ZFAND3: variants seen among roughly 807,000 people sequenced by gnomAD.
The protein encoded by ZFAND3 is AN1-type zinc finger protein 3.
Under a neutral mutation model 29.6 loss-of-function variants are expected in ZFAND3, and 10 were observed. That is an observed-to-expected ratio of 0.34 (90% CI 0.21 to 0.57). The LOEUF (loss-of-function observed/expected upper bound fraction) is 0.57, where lower values mean the gene tolerates loss of function less well. Ranked by LOEUF, ZFAND3 falls within the 20% of genes least tolerant of loss-of-function variation. The pLI is 0.86. For missense variants in ZFAND3, 230 were observed against 304.5 expected, an observed-to-expected ratio of 0.76 and a Z score of 1.82; for synonymous variants, 128 against 112.6, an observed-to-expected ratio of 1.14 and a Z score of -0.87.
At chr6:38,065,133 C>T (rs1409314931) in intron 3 of ZFAND3, among the ~76,000 whole-genome samples, 1 of 151,974 alleles carries the variant, frequency 6.6e-6, no homozygotes, top group African/African-American at 2.4e-5. Flanking sequence ...CCTGGCCAAC[C>T]TGGTGAAACC....
At chr6:37,895,639 T>G (rs534583710) in intron 1 of ZFAND3, among the ~76,000 whole-genome samples, 1 of 152,072 alleles carries the variant, frequency 6.6e-6, no homozygotes, top group Non-Finnish European at 1.5e-5. Context: ...TTTGATTGAG[T>G]TGATTTTTCT....
intron 2 of ZFAND3, 133 bp from the exon 3 acceptor site, chr6:38,061,460 T>C (rs1003869585): frequency 1.7e-5 from 19 of 1,109,248 alleles, no homozygotes; most frequent in Admixed American, 1.1e-4. Context: ...TTTACTCCCA[T>C]GGTTTTTTAG....
intron 5 of ZFAND3, among the ~76,000 whole-genome samples, chr6:38,146,079 G>A (rs768527686): frequency 2.6e-5 from 4 of 152,228 alleles, no homozygotes; most frequent in Admixed American, 2.6e-4. Context: ...AGGCTTGGGC[G>A]GGGCCCCGGG....
At chr6:38,094,833 G>A (rs1561996876) in intron 4 of ZFAND3, among the ~76,000 whole-genome samples, 1 of 152,162 alleles carries the variant, frequency 6.6e-6, no homozygotes, top group Non-Finnish European at 1.5e-5. Context: ...GGGTCCAGAA[G>A]CGTTTCAGGT....
At chr6:37,967,772 A>G (rs922814645) in intron 2 of ZFAND3, among the ~76,000 whole-genome samples, 10 of 151,486 alleles carry the variant, frequency 6.6e-5, no homozygotes, top group African/African-American at 1.7e-4. Context: ...TATGTTGCCA[A>G]CCTCCCATCT....
chr6:37,840,200 C>T (rs1260666479), intron 1 of ZFAND3, among the ~76,000 whole-genome samples: 4 of 151,850 alleles, frequency 2.6e-5, no homozygotes, highest in South Asian at 2.1e-4. Flanking sequence ...TGGGTTCAAG[C>T]GATTCTCCTG....
intron 4 of ZFAND3, among the ~76,000 whole-genome samples, chr6:38,087,683 G>C (rs1362995971): frequency 6.6e-6 from 1 of 152,146 alleles, no homozygotes; most frequent in Admixed American, 6.5e-5. Context: ...CAGAAGACAG[G>C]CAATAACAAG....
chr6:37,891,676 G>C (rs1765105933), intron 1 of ZFAND3, among the ~76,000 whole-genome samples: 1 of 152,158 alleles, frequency 6.6e-6, no homozygotes, highest in African/African-American at 2.4e-5. Flanking sequence ...TGTTTAAGCA[G>C]CTAGAGCTAA....
At chr6:38,127,445 G>A (rs1018385269) in intron 5 of ZFAND3, among the ~76,000 whole-genome samples, 14 of 152,156 alleles carry the variant, frequency 9.2e-5, no homozygotes, top group Admixed American at 2.0e-4. Flanking sequence ...CATATGTCAC[G>A]CGTGTGTCTA....
At chr6:38,106,986 G>C (rs1406435990) in intron 4 of ZFAND3, among the ~76,000 whole-genome samples, 2 of 152,106 alleles carry the variant, frequency 1.3e-5, no homozygotes, top group Non-Finnish European at 2.9e-5. Flanking sequence ...TTTTCTTTAT[G>C]TTTTTTAGTC....
chr6:37,861,525 G>A (rs1164945823), intron 1 of ZFAND3, among the ~76,000 whole-genome samples: 2 of 152,172 alleles, frequency 1.3e-5, no homozygotes, highest in African/African-American at 2.4e-5. Flanking sequence ...GGGGCTTTAC[G>A]TACTTACTTG....
intron 1 of ZFAND3, among the ~76,000 whole-genome samples, chr6:37,872,486 T>C (rs73419429): frequency 0.011 from 1,720 of 152,192 alleles, 32 homozygotes; most frequent in African/African-American, 0.039. Flanking sequence ...AGTAGGGAAA[T>C]AGAATATTAC....
chr6:37,979,586 G>A (rs1762547287), intron 2 of ZFAND3, among the ~76,000 whole-genome samples: 1 of 152,192 alleles, frequency 6.6e-6, no homozygotes, highest in Non-Finnish European at 1.5e-5. Context: ...TCTATGCAAT[G>A]CTCCTGAATT....
chr6:38,114,206 C>CA (rs914560955), intron 4 of ZFAND3, among the ~76,000 whole-genome samples: 139 of 149,780 alleles, frequency 9.3e-4, no homozygotes, highest in Admixed American at 1.4e-3. Flanking sequence ...TTTCTTGTTA[C>CA]AAAAAAAAAA....
intron 2 of ZFAND3, among the ~76,000 whole-genome samples, chr6:37,961,528 G>C (rs967765085): frequency 6.6e-6 from 1 of 152,224 alleles, no homozygotes; most frequent in African/African-American, 2.4e-5. Flanking sequence ...GCCAGGGTGT[G>C]GTTACAGTGG....
Position 37,979,684 on chromosome 6 carries a change from C to T in ZFAND3, c.112+49685C>T, listed in dbSNP as rs191694301. On this transcript the variant is annotated intron_variant, in intron 2 of 5. Coordinates refer to ENST00000287218, the MANE Select transcript of ZFAND3 (RefSeq NM_021943.3). The stretch of plus-strand genomic sequence containing the variant: ...CAAGCCCTGTCAAAACAATCCATTA[C>T]GATGGTTCTTTGCCTGGCATCAGAT... Among the ~76,000 whole-genome samples, 69 of 152,288 alleles carry T rather than the reference C, an allele frequency of 4.5e-4. 1 individual carries two copies. The highest frequency in any genetic ancestry group is 1.5e-3 in the African/African-American group (63 of 41,560).
chr6:37,974,422 G>A (rs1417147018), intron 2 of ZFAND3, among the ~76,000 whole-genome samples: 2 of 105,874 alleles, frequency 1.9e-5, no homozygotes, highest in African/African-American at 7.4e-5. Flanking sequence ...TTTTTTTTTT[G>A]GAGACAGGGT....
chr6:37,896,262 G>A (rs1468405520), intron 1 of ZFAND3, among the ~76,000 whole-genome samples: 1 of 151,892 alleles, frequency 6.6e-6, no homozygotes, highest in Non-Finnish European at 1.5e-5. Flanking sequence ...AAAAAACCGT[G>A]GATGAATATT....
Position 38,116,378 on chromosome 6 carries a change from G to C in ZFAND3, c.362-194G>C, listed in dbSNP as rs141524684. 3.3e-5 allele frequency among the ~76,000 whole-genome samples: 5 copies of C among 152,292 alleles called. No individual in the cohort carries two copies. The East Asian group carries it at 9.6e-4, about 29-fold the overall frequency. ...TCTCCAGCTCAGGCCTAGCTTGTTAGAAGTCAGCACTAAAGGTACACGTTT... is the reference window on the plus strand; with the variant it reads ...TCTCCAGCTCAGGCCTAGCTTGTTACAAGTCAGCACTAAAGGTACACGTTT... On this transcript the variant is annotated intron_variant, in intron 4 of 5. Transcript: ENST00000287218.
Sources: allele counts gnomAD v4.1 joint callset (sites outside exome capture counted in the v4.1 genomes callset), GRCh38; gene constraint gnomAD v4.1.1; transcripts MANE v1.5; gene names NCBI Gene and HGNC (gene_info 2026-07-23, HGNC 2026-07-21).